The following COL24A1 variants were observed in gnomAD, a reference collection of about 807,000 sequenced individuals.
COL24A1 encodes collagen type XXIV alpha 1 chain.
A neutral mutation model predicts 253.9 loss-of-function variants in COL24A1; 224 were observed. The ratio of observed to expected loss-of-function variants is 0.88; its 90% CI spans 0.79 to 0.99. The LOEUF is 0.99. Among genes scored for constraint, COL24A1 ranks in the 50% least tolerant of loss-of-function variants. The pLI is 0.00. For missense variants in COL24A1, 2,131 were observed against 2,068.5 expected (o/e 1.03, Z -0.59); for synonymous variants, 685 against 673.7 (o/e 1.02, Z -0.26).
intron 57 of COL24A1, among the ~76,000 whole-genome samples, chr1:85,741,117 T>C (rs944070024): frequency 3.7e-5 from 5 of 135,356 alleles, no homozygotes; most frequent in Non-Finnish European, 4.7e-5. Context: ...AAACTCTGCC[T>C]CAAAAAAAAA....
intron 26 of COL24A1, among the ~76,000 whole-genome samples, chr1:85,909,492 G>C (rs911623442): frequency 6.6e-6 from 1 of 151,786 alleles, no homozygotes; most frequent in Admixed American, 6.6e-5. Context: ...AGAATAAGAT[G>C]AATTCTGGAT....
chr1:85,808,093 A>G (rs1033673557), intron 47 of COL24A1, among the ~76,000 whole-genome samples: 1 of 152,192 alleles, frequency 6.6e-6, no homozygotes, highest in African/African-American at 2.4e-5. Flanking sequence ...GACACAAATG[A>G]ATGTTCCTAC....
intron 1 of COL24A1, chr1:86,155,035 C>T: frequency 6.6e-6 from 1 of 152,584 alleles, no homozygotes. Flanking sequence ...CCTGCGTGAG[C>T]CGCTCTGAGA....
At position 85,730,614 on chromosome 1, in the gene COL24A1, G is replaced by A; in HGVS notation, c.5077C>T (p.Gln1693Ter). 2.5e-6 allele frequency: 4 copies of A among 1,613,996 alleles called. No individual in the cohort carries two copies. Among genetic ancestry groups the A allele is most frequent in the Middle Eastern group, 1.7e-4 (1 of 6,060 alleles). ...EPNQLPVIEV[Q>*]KLPHLKTERK... ...TCAGTTTTGAGATGAGGAAGTTTTT[G>A]TACTTCAATCACTGGAAGTTGATTA... Residue 1693 changes from glutamine (Q) to a stop codon, truncating the protein, a stop_gained, in exon 60 of 60, where the codon CAA (glutamine) becomes TAA (stop). Coordinates refer to ENST00000370571, the MANE Select transcript of COL24A1 (RefSeq NM_152890.7). LOFTEE classifies it high-confidence loss of function.
chr1:85,939,015 A>G (rs1047587607), intron 24 of COL24A1, among the ~76,000 whole-genome samples: 1 of 151,800 alleles, frequency 6.6e-6, no homozygotes, highest in Non-Finnish European at 1.5e-5. Context: ...CCTGTAGCGA[A>G]ATGCCATCTC....
At chr1:85,954,468 G>A (rs1690234804) in intron 24 of COL24A1, among the ~76,000 whole-genome samples, 1 of 152,114 alleles carries the variant, frequency 6.6e-6, no homozygotes, top group Non-Finnish European at 1.5e-5. Context: ...GCTGCTATAT[G>A]ACCTGACTTT....
rs770263208 is a variant in COL24A1, at chr1:85,896,390, C to T, written c.2798G>A (p.Gly933Asp). 5.0e-6 allele frequency: 8 copies of T among 1,613,170 alleles called. No homozygotes were observed. Among genetic ancestry groups the T allele is most frequent in the Non-Finnish European group, 5.9e-6 (7 of 1,179,318 alleles). Residue 933 changes from glycine (G) to aspartate (D), a missense_variant, in exon 29 of 60, where the codon GGT becomes GAT. By Grantham distance (94) the Gly-to-Asp change is moderately conservative. Transcript: ENST00000370571. ...TTGTATACCTTGTTCCCCTAAGAGACCATCTGGTCCTCTTGATCCCTAGAG... is the reference window on the plus strand; with the variant it reads ...TTGTATACCTTGTTCCCCTAAGAGATCATCTGGTCCTCTTGATCCCTAGAG... Reference protein sequence around the residue: ...KGQRGSRGPDGLLGEQGIQGA... With the variant: ...KGQRGSRGPDDLLGEQGIQGA...
chr1:86,084,738 G>A (rs1326052118), intron 7 of COL24A1, among the ~76,000 whole-genome samples: 1 of 152,158 alleles, frequency 6.6e-6, no homozygotes, highest in African/African-American at 2.4e-5. Context: ...AATATCTTTG[G>A]ACACAGGGAA....
intron 8 of COL24A1, 85 bp from the exon 9 acceptor site, chr1:86,059,259 T>A: frequency 1.0e-6 from 1 of 982,310 alleles, no homozygotes; most frequent in East Asian, 2.8e-5. Flanking sequence ...TTGGAAATAA[T>A]TTTTCCCCAT....
chr1:85,923,443 A>G (rs1299987933), intron 24 of COL24A1, among the ~76,000 whole-genome samples: 1 of 152,214 alleles, frequency 6.6e-6, no homozygotes, highest in Non-Finnish European at 1.5e-5. Context: ...CAGCAAATGT[A>G]AAAGAACAGA....
intron 52 of COL24A1, among the ~76,000 whole-genome samples, chr1:85,776,186 C>T (rs770772910): frequency 3.3e-5 from 5 of 152,080 alleles, no homozygotes; most frequent in Non-Finnish European, 7.4e-5. Context: ...TGGAGACTTG[C>T]TCTTTGATCC....
chr1:86,046,329 C>T, intron 12 of COL24A1, among the ~76,000 whole-genome samples: 1 of 152,240 alleles, frequency 6.6e-6, no homozygotes, highest in East Asian at 1.9e-4. Flanking sequence ...TCACAATTTC[C>T]TCCCATCTCT....
At chr1:85,927,088 CGAATA>C (rs1687347372) in intron 24 of COL24A1, among the ~76,000 whole-genome samples, 1 of 151,756 alleles carries the variant, frequency 6.6e-6, no homozygotes, top group Non-Finnish European at 1.5e-5. Context: ...CCAAGACGGC[CGAATA>C]GGAACAGCTC....
intron 19 of COL24A1, among the ~76,000 whole-genome samples, chr1:86,010,521 C>A (rs914895764): frequency 1.1e-4 from 16 of 152,082 alleles, no homozygotes; most frequent in Non-Finnish European, 2.2e-4. Flanking sequence ...GATTGGAATG[C>A]AATTCTTTCA....
chr1:86,030,499 C>G (rs1178266524), intron 14 of COL24A1: 1 of 152,418 alleles, frequency 6.6e-6, no homozygotes, highest in African/African-American at 2.4e-5. Context: ...CACAAAAGAG[C>G]TGGAAGTCTG....
chr1:85,971,044 T>G (rs1270909646), intron 21 of COL24A1, among the ~76,000 whole-genome samples: 1 of 151,880 alleles, frequency 6.6e-6, no homozygotes, highest in African/African-American at 2.4e-5. Context: ...AACTGTGTCT[T>G]TACAAAAAAT....
intron 52 of COL24A1, among the ~76,000 whole-genome samples, chr1:85,779,882 T>C (rs1021103839): frequency 1.3e-5 from 2 of 152,118 alleles, no homozygotes; most frequent in African/African-American, 2.4e-5. Context: ...ATGGAAAAAA[T>C]TGAATATGGA....
Position 86,063,730 on chromosome 1 carries a change from T to A in COL24A1, c.1737A>T (p.Gly579=). The change falls in exon 8 of 60, where the codon GGA becomes GGT. Residue 579 remains glycine (G), a synonymous_variant. Transcript: ENST00000370571. ...KGLKGHPGLP[G]LPGEQGIPGF... ...AAGTACCTACTTGTTCACCTGGAAG[T>A]CCTGGGAGTCCAGGATGTCCTTTGA... is the stretch of plus-strand genomic sequence containing the variant. The A allele has an allele frequency of 6.4e-7, 1 of 1,552,756 alleles. No individual in the cohort carries two copies. The highest frequency in any genetic ancestry group is 1.4e-5 in the African/African-American group (1 of 72,918).
At position 85,877,159 on chromosome 1, in the gene COL24A1, T is replaced by TGCAGTCCTC. The variant is rs1289716879; in HGVS notation, c.2984_2992dup (p.Arg995_Leu997dup). 1.9e-6 allele frequency: 3 copies of TGCAGTCCTC among 1,606,246 alleles called. No homozygotes were observed. Among genetic ancestry groups the TGCAGTCCTC allele is most frequent in the Non-Finnish European group, 8.5e-7 (1 of 1,176,410 alleles). ...TTCTCCAGGAGGTCCAACATCACCTTGCAGTCCTCGCAGTCCCTATATTAA... is the reference window on the plus strand; with the variant it reads ...TTCTCCAGGAGGTCCAACATCACCTTGCAGTCCTCGCAGTCCTCGCAGTCCCTATATTAA... On this transcript the variant is annotated inframe_insertion, in exon 33 of 60. Transcript: ENST00000370571.
Sources: gnomAD v4.1 joint callset for allele counts (sites outside exome capture counted in the v4.1 genomes callset) on GRCh38, gnomAD v4.1.1 for gene constraint, MANE v1.5 for transcripts, NCBI Gene and HGNC (gene_info 2026-07-23, HGNC 2026-07-21) for gene names.